ARL15: variants seen among roughly 807,000 people sequenced by gnomAD.
ARL15 encodes ARF like GTPase 15.
ARL15 carries 19 observed loss-of-function variants against 25.2 expected under a neutral mutation model. The observed-to-expected ratio is 0.75, with a 90% CI of 0.53 to 1.10. The LOEUF is 1.10. Among genes scored for constraint, ARL15 ranks in the 50% least tolerant of loss-of-function variants. The pLI is 0.00. For synonymous variants in ARL15, 94 were observed against 86.8 expected, an observed-to-expected ratio of 1.08 and a Z score of -0.46; for missense variants, 220 against 246.0, an observed-to-expected ratio of 0.89 and a Z score of 0.71.
intron 4 of ARL15, among the ~76,000 whole-genome samples, chr5:54,041,577 G>C (rs1348369059): frequency 6.6e-6 from 1 of 152,168 alleles, no homozygotes; most frequent in Non-Finnish European, 1.5e-5. Flanking sequence ...CCACAAGTAT[G>C]ACCTGGCTAT....
chr5:54,101,250 AT>A (rs1752429409), intron 4 of ARL15, among the ~76,000 whole-genome samples: 1 of 152,122 alleles, frequency 6.6e-6, no homozygotes, highest in African/African-American at 2.4e-5. Context: ...TAAATAACAT[AT>A]ATTTTTCAGT....
At chr5:54,057,623 G>A (rs1750920081) in intron 4 of ARL15, among the ~76,000 whole-genome samples, 1 of 152,198 alleles carries the variant, frequency 6.6e-6, no homozygotes, top group East Asian at 1.9e-4. Flanking sequence ...ACTGAGATGG[G>A]AGGATCGTTT....
chr5:53,973,077 T>C (rs149785380), intron 4 of ARL15, among the ~76,000 whole-genome samples: 97 of 152,310 alleles, frequency 6.4e-4, no homozygotes, highest in African/African-American at 2.1e-3. Flanking sequence ...ATAAATATTA[T>C]TTACTAGTGA....
intron 2 of ARL15, among the ~76,000 whole-genome samples, chr5:54,156,372 C>T (rs1224096749): frequency 2.0e-5 from 3 of 152,212 alleles, no homozygotes; most frequent in African/African-American, 7.2e-5. Flanking sequence ...ATATCTACTT[C>T]ATAGGGTTGT....
chr5:53,937,110 C>T (rs557685399), intron 4 of ARL15, among the ~76,000 whole-genome samples: 1 of 152,334 alleles, frequency 6.6e-6, no homozygotes, highest in East Asian at 1.9e-4. Context: ...TGGTAGCAAG[C>T]CTTGCCAAGA....
chr5:53,897,273 C>G (rs373151119), intron 4 of ARL15, among the ~76,000 whole-genome samples: 7 of 152,302 alleles, frequency 4.6e-5, no homozygotes, highest in African/African-American at 1.7e-4. Context: ...CCTTTAGCAA[C>G]CACTACTCTA....
intron 1 of ARL15, among the ~76,000 whole-genome samples, chr5:54,232,853 G>C (rs985708223): frequency 4.6e-5 from 7 of 152,086 alleles, no homozygotes; most frequent in African/African-American, 1.7e-4. Context: ...TGTTTGCAAT[G>C]GCTTCACAAC....
At chr5:54,058,530 A>G (rs78449516) in intron 4 of ARL15, among the ~76,000 whole-genome samples, 2,847 of 152,330 alleles carry the variant, frequency 0.019, 94 homozygotes, top group African/African-American at 0.066. Flanking sequence ...TGAATATGTA[A>G]TATGTGAGAA....
chr5:54,201,159 G>A (rs1325934935), intron 1 of ARL15, among the ~76,000 whole-genome samples: 4 of 151,910 alleles, frequency 2.6e-5, no homozygotes, highest in African/African-American at 4.8e-5. Context: ...CAATATCTCC[G>A]TGGCCTTAGT....
At position 54,163,355 on chromosome 5, in the gene ARL15, G is replaced by GTTTTTTTTTTTTTTTTTTTTTTTTTTTTT. The variant is rs1754465268; in HGVS notation, c.193+8428_193+8429insAAAAAAAAAAAAAAAAAAAAAAAAAAAAA. 1.3e-3 allele frequency among the ~76,000 whole-genome samples: 66 copies of GTTTTTTTTTTTTTTTTTTTTTTTTTTTTT among 51,342 alleles called. 30 individuals carry two copies. The highest frequency in any genetic ancestry group is 2.3e-3 in the African/African-American group (28 of 12,068). The allele number at this position is 51,342 out of a possible 152,430, so 33.7% of individuals were successfully genotyped here. The stretch of plus-strand genomic sequence containing the variant: ...TGTCCATGAGGGCTATTGGTATGAA[G>GTTTTTTTTTTTTTTTTTTTTTTTTTTTTT]CTTTTTTTTTTTTTTTTTTTTTTTT... On this transcript the variant is annotated intron_variant, in intron 2 of 4. Coordinates refer to ENST00000504924, the MANE Select transcript of ARL15 (RefSeq NM_019087.3).
At chr5:53,927,360 G>C (rs1233523535) in intron 4 of ARL15, among the ~76,000 whole-genome samples, 1 of 152,118 alleles carries the variant, frequency 6.6e-6, no homozygotes, top group Admixed American at 6.6e-5. Flanking sequence ...GACAGACAGA[G>C]ACACACACAC....
chr5:53,959,657 G>C (rs1304143633), intron 4 of ARL15, among the ~76,000 whole-genome samples: 4 of 152,008 alleles, frequency 2.6e-5, no homozygotes, highest in African/African-American at 7.3e-5. Context: ...GGGACCTATG[G>C]ACTTATTATT....
chr5:54,291,427 G>A (rs1198328295), intron 1 of ARL15, among the ~76,000 whole-genome samples: 1 of 152,148 alleles, frequency 6.6e-6, no homozygotes, highest in Non-Finnish European at 1.5e-5. Flanking sequence ...CTAATACAAT[G>A]ACAATGTTGT....
chr5:53,939,983 T>C (rs1195752707), intron 4 of ARL15, among the ~76,000 whole-genome samples: 4 of 150,138 alleles, frequency 2.7e-5, no homozygotes, highest in Non-Finnish European at 3.0e-5. Flanking sequence ...CTGAACTTTT[T>C]TTTTTTTTTT....
intron 4 of ARL15, among the ~76,000 whole-genome samples, chr5:53,941,505 T>C (rs1245285729): frequency 3.3e-5 from 5 of 152,168 alleles, no homozygotes; most frequent in Non-Finnish European, 7.4e-5. Flanking sequence ...TCAAAAAAGT[T>C]TTTCTAGGGC....
intron 1 of ARL15, among the ~76,000 whole-genome samples, chr5:54,229,788 G>A (rs1235610871): frequency 6.6e-6 from 1 of 152,164 alleles, no homozygotes; most frequent in Non-Finnish European, 1.5e-5. Context: ...CCACACCATA[G>A]GGGCTCCCTC....
At chr5:54,210,824 T>A in intron 1 of ARL15, among the ~76,000 whole-genome samples, 1 of 152,214 alleles carries the variant, frequency 6.6e-6, no homozygotes, top group Non-Finnish European at 1.5e-5. Flanking sequence ...TTCCTTGAGA[T>A]GCAAAACTGT....
chr5:54,099,834 G>A (rs1331749254), intron 4 of ARL15, among the ~76,000 whole-genome samples: 7 of 152,116 alleles, frequency 4.6e-5, no homozygotes, highest in African/African-American at 1.7e-4. Context: ...CCATTTTACA[G>A]ATGAGAAAAC....
At chr5:54,143,718 C>CT (rs924717640) in intron 3 of ARL15, among the ~76,000 whole-genome samples, 1 of 141,000 alleles carries the variant, frequency 7.1e-6, no homozygotes, top group Admixed American at 6.9e-5. Context: ...AATCTTTATG[C>CT]TTTAAAAAAA....
Sources: allele counts gnomAD v4.1 joint callset (sites outside exome capture counted in the v4.1 genomes callset), GRCh38; gene constraint gnomAD v4.1.1; transcripts MANE v1.5; gene names NCBI Gene and HGNC (gene_info 2026-07-23, HGNC 2026-07-21).